GMDS: variants seen among roughly 807,000 people sequenced by gnomAD.
GMDS encodes the protein GDP-mannose 4,6 dehydratase.
A neutral mutation model predicts 49.9 loss-of-function variants in GMDS; 20 were observed. That is an observed-to-expected ratio of 0.40 (90% CI 0.28 to 0.58). The LOEUF (loss-of-function observed/expected upper bound fraction) is 0.58, where lower values mean the gene tolerates loss of function less well. Ranked by LOEUF, GMDS falls within the 20% of genes least tolerant of loss-of-function variation. The pLI is 0.42. For missense variants in GMDS, 362 were observed against 481.4 expected (o/e 0.75, Z 2.32); for synonymous variants, 177 against 178.6 (o/e 0.99, Z 0.07).
intron 1 of GMDS, among the ~76,000 whole-genome samples, chr6:2,199,166 T>C (rs983437467): frequency 6.6e-6 from 1 of 152,228 alleles, no homozygotes; most frequent in Non-Finnish European, 1.5e-5. Flanking sequence ...TTTAGACTAA[T>C]TTACCTTTTG....
intron 7 of GMDS, among the ~76,000 whole-genome samples, chr6:1,914,126 TGTTTG>T (rs141183529): frequency 5.7e-5 from 8 of 139,638 alleles, no homozygotes; most frequent in African/African-American, 2.2e-4. Context: ...AAGCGTTTTT[TGTTTG>T]TTTTTTTTTT....
In GMDS at chr6:2,213,687, C is replaced by G. The variant is rs571134345; in HGVS notation, c.102+31634G>C. ...AAAACTAACCCACATAAGGAGAATA[C>G]CAATCAGCGAGCATTAGAGGACACA... On this transcript the variant is annotated intron_variant, in intron 1 of 10. Transcript: ENST00000380815. 3.0e-4 allele frequency among the ~76,000 whole-genome samples: 46 copies of G among 152,170 alleles called. 1 individual carries two copies. The highest frequency in any genetic ancestry group is 9.2e-4 in the African/African-American group (38 of 41,518).
intron 9 of GMDS, among the ~76,000 whole-genome samples, chr6:1,633,676 G>A (rs1763063089): frequency 6.6e-6 from 1 of 152,188 alleles, no homozygotes; most frequent in African/African-American, 2.4e-5. Context: ...GGACACTGCA[G>A]GTAAAAAGGC....
At chr6:1,677,596 T>C (rs191628684) in intron 9 of GMDS, among the ~76,000 whole-genome samples, 2 of 152,094 alleles carry the variant, frequency 1.3e-5, no homozygotes, top group Admixed American at 1.3e-4. Context: ...CACATATACA[T>C]CATGGAATAC....
At chr6:2,018,588 T>C (rs1409467987) in intron 4 of GMDS, among the ~76,000 whole-genome samples, 2 of 152,188 alleles carry the variant, frequency 1.3e-5, no homozygotes, top group East Asian at 1.9e-4. Flanking sequence ...AATGGAATCA[T>C]AATACGTGGT....
At chr6:1,697,118 C>A (rs562040672) in intron 9 of GMDS, among the ~76,000 whole-genome samples, 2 of 152,284 alleles carry the variant, frequency 1.3e-5, no homozygotes, top group East Asian at 3.9e-4. Context: ...TGTGTGAGCC[C>A]AAATGCCATA....
At chr6:1,950,759 G>A (rs1292602928) in intron 6 of GMDS, among the ~76,000 whole-genome samples, 2 of 152,168 alleles carry the variant, frequency 1.3e-5, no homozygotes, top group South Asian at 2.1e-4. Flanking sequence ...GTTACAGGTG[G>A]CATTCACACA....
rs543353523 is a variant in GMDS, at chr6:2,185,924, A to C, written c.102+59397T>G. Among the ~76,000 whole-genome samples the C allele has an allele frequency of 2.1e-4, 32 of 152,330 alleles. No homozygotes were observed. The Middle Eastern group carries it at 0.024, about 114-fold the overall frequency. ...CTCCCCCAAAACTCTGCAGATTGTTATTATTCCCATTTTACAAATGAGAAA... is the reference window on the plus strand; with the variant it reads ...CTCCCCCAAAACTCTGCAGATTGTTCTTATTCCCATTTTACAAATGAGAAA... On this transcript the variant is annotated intron_variant, in intron 1 of 10. Transcript: ENST00000380815.
intron 7 of GMDS, among the ~76,000 whole-genome samples, chr6:1,746,470 CCAAAAAAACAGGGCAGTTTT>C (rs1767499968): frequency 6.6e-6 from 1 of 151,960 alleles, no homozygotes; most frequent in Non-Finnish European, 1.5e-5. Flanking sequence ...CCCTTAATTG[CCAAAAAAACAGGGCAGTTTT>C]CAAATCATGT....
In GMDS at chr6:2,245,382, G is replaced by T. The variant is rs868834515; in HGVS notation, c.41C>A (p.Ser14Tyr). ...GGGCTTGCCCATCTCGCCGTCCCCG[G>T]AGCCCCGGGCGCTGGGGCAGCGTGC... ...APARCPSARGSGDGEMGKPRN... is the reference protein window; with the variant it reads ...APARCPSARGYGDGEMGKPRN... The change falls in exon 1 of 11, where the codon TCC (serine) becomes TAC (tyrosine). Residue 14 changes from serine (S) to tyrosine (Y), a missense_variant. By Grantham distance (144) the Ser-to-Tyr change is moderately radical. Transcript: ENST00000380815. 6.5e-7 allele frequency: 1 copy of T among 1,547,340 alleles called. No individual in the cohort carries two copies. The highest frequency in any genetic ancestry group is 1.4e-5 in the African/African-American group (1 of 72,394).
At chr6:1,724,887 G>A (rs955777134) in intron 9 of GMDS, among the ~76,000 whole-genome samples, 5 of 152,166 alleles carry the variant, frequency 3.3e-5, no homozygotes, top group Non-Finnish European at 7.3e-5. Context: ...CCCTGTGCCC[G>A]GACAATGCAC....
At chr6:1,813,127 C>T (rs895484828) in intron 7 of GMDS, among the ~76,000 whole-genome samples, 5 of 143,232 alleles carry the variant, frequency 3.5e-5, no homozygotes, top group Non-Finnish European at 6.0e-5. Context: ...GAGGCTGAGG[C>T]GGGAAGATGA....
At chr6:1,929,997 G>A (rs1440256645) in intron 7 of GMDS, 106 bp downstream of exon 7, 4 of 1,014,748 alleles carry the variant, frequency 3.9e-6, no homozygotes, top group Non-Finnish European at 4.4e-6. Context: ...CCTTGGCAAA[G>A]GTTTGTATGC....
intron 4 of GMDS, among the ~76,000 whole-genome samples, chr6:1,962,867 C>CTTTTTTTTCTTTCT: frequency 1.3e-5 from 2 of 148,946 alleles, no homozygotes; most frequent in East Asian, 3.9e-4. Flanking sequence ...TTTTTCTTTT[C>CTTTTTTTTCTTTCT]TTTTTTTTCT....
chr6:2,125,084 T>C (rs867120151), intron 1 of GMDS, among the ~76,000 whole-genome samples: 14 of 152,162 alleles, frequency 9.2e-5, no homozygotes, highest in African/African-American at 3.1e-4. Context: ...GGGGGCAGAA[T>C]GCCTTGGTGT....
intron 8 of GMDS, among the ~76,000 whole-genome samples, chr6:1,728,002 A>T (rs1454890384): frequency 6.6e-6 from 1 of 152,218 alleles, no homozygotes; most frequent in Non-Finnish European, 1.5e-5. Flanking sequence ...TTGGCAGGTC[A>T]TATAGGTCTA....
At chr6:2,096,795 A>T (rs1213171840) in intron 4 of GMDS, among the ~76,000 whole-genome samples, 3 of 152,212 alleles carry the variant, frequency 2.0e-5, no homozygotes, top group Admixed American at 2.0e-4. Context: ...CTCCAAGTAC[A>T]GTTATCTCAC....
intron 4 of GMDS, among the ~76,000 whole-genome samples, chr6:1,993,749 A>AG (rs1554142846): frequency 1.6e-4 from 24 of 151,614 alleles, no homozygotes; most frequent in Non-Finnish European, 2.8e-4. Flanking sequence ...AAAAAAAAAA[A>AG]GGCAGAAAAA....
intron 9 of GMDS, among the ~76,000 whole-genome samples, chr6:1,693,119 C>A (rs1025828571): frequency 2.6e-5 from 4 of 152,206 alleles, no homozygotes; most frequent in African/African-American, 9.7e-5. Flanking sequence ...GAGGCAAGAC[C>A]CTTCCGAACA....
Sources: allele counts gnomAD v4.1 joint callset (sites outside exome capture counted in the v4.1 genomes callset), GRCh38; gene constraint gnomAD v4.1.1; transcripts MANE v1.5; gene names NCBI Gene and HGNC (gene_info 2026-07-23, HGNC 2026-07-21).